The following TRAM1 variants were observed in gnomAD, a reference collection of about 807,000 sequenced individuals.
TRAM1 encodes translocating chain-associated membrane protein 1.
Under a neutral mutation model 48.7 loss-of-function variants are expected in TRAM1, and 17 were observed. The observed-to-expected ratio is 0.35, with a 90% CI of 0.24 to 0.52. The LOEUF (loss-of-function observed/expected upper bound fraction) is 0.52. Ranked by LOEUF, TRAM1 falls within the 20% of genes least tolerant of loss-of-function variation. TRAM1 has a pLI of 0.94. For missense variants in TRAM1, 351 were observed against 441.5 expected (o/e 0.79, Z 1.84); for synonymous variants, 182 against 154.0 (o/e 1.18, Z -1.34).
intron 8 of TRAM1, among the ~76,000 whole-genome samples, chr8:70,585,965 C>T (rs1199618400): frequency 6.6e-6 from 1 of 150,498 alleles, no homozygotes; most frequent in Non-Finnish European, 1.5e-5. Context: ...TATAAAGACA[C>T]ATGCACACGT....
In TRAM1 at chr8:70,583,516, G is replaced by A. The variant is rs879705635; in HGVS notation, c.890+134C>T. 53 of 1,333,786 alleles carry A rather than the reference G, an allele frequency of 4.0e-5. No individual in the cohort carries two copies. In the African/African-American group the frequency reaches 4.3e-4, roughly 11 times the overall value. 82.6% of individuals were successfully genotyped at this position (1,333,786 alleles called of 1,614,324 possible). A position where few individuals can be genotyped will look rare whatever the true frequency, so the allele number is the denominator to read the frequency against. ...CACTTTAGACATGTAAAATAGCAAC[G>A]GGTATGAAATAAAATCAAATGAGTA... On this transcript the variant is annotated intron_variant, in intron 9 of 10. Transcript: ENST00000262213.
intron 1 of TRAM1, chr8:70,606,971 T>C: frequency 1.0e-6 from 1 of 970,414 alleles, no homozygotes; most frequent in Non-Finnish European, 1.2e-6. Flanking sequence ...CCAGGCACTA[T>C]CCTAGACTCT....
intron 1 of TRAM1, 50 bp downstream of exon 1, chr8:70,608,027 C>T: frequency 6.5e-7 from 1 of 1,528,842 alleles, no homozygotes. Flanking sequence ...GGAGCCCGGG[C>T]CCGGGCTGGA....
intron 5 of TRAM1, among the ~76,000 whole-genome samples, chr8:70,594,868 T>TA (rs758272795): frequency 8.5e-5 from 13 of 152,158 alleles, no homozygotes; most frequent in Non-Finnish European, 1.5e-4. Flanking sequence ...TCAGAGCCCC[T>TA]ATTAGTTCAT....
At chr8:70,580,011 G>A (rs1817041945) in intron 10 of TRAM1, among the ~76,000 whole-genome samples, 1 of 152,074 alleles carries the variant, frequency 6.6e-6, no homozygotes, top group African/African-American at 2.4e-5. Context: ...TTTTTAAAAA[G>A]AGCATGTACA....
At chr8:70,591,044 G>A (rs1393894825) in intron 6 of TRAM1, among the ~76,000 whole-genome samples, 1 of 151,920 alleles carries the variant, frequency 6.6e-6, no homozygotes, top group Middle Eastern at 3.2e-3. Flanking sequence ...ACCACAAGGG[G>A]TGGTAGGAAT....
intron 10 of TRAM1, 142 bp from the exon 11 acceptor site, chr8:70,575,147 C>T (rs1365923957): frequency 5.5e-6 from 3 of 550,448 alleles, no homozygotes; most frequent in Admixed American, 3.8e-5. Flanking sequence ...TTTAACCAAT[C>T]ACAAAACCTG....
intron 10 of TRAM1, among the ~76,000 whole-genome samples, chr8:70,582,703 A>G (rs1303271521): frequency 6.6e-6 from 1 of 152,126 alleles, no homozygotes; most frequent in Non-Finnish European, 1.5e-5. Context: ...CAAAAACCAT[A>G]AGGAAAAAAG....
rs778245100 is a variant in TRAM1 at position 70,594,456 on chromosome 8, A to C, written c.570+50T>G. 9.9e-6 allele frequency: 9 copies of C among 909,032 alleles called. No individual in the cohort carries two copies. The South Asian group carries it at 1.6e-4, about 16-fold the overall frequency. 56.3% of individuals were successfully genotyped at this position (909,032 alleles called of 1,614,324 possible). A position where few individuals can be genotyped will look rare whatever the true frequency, so the allele number is the denominator to read the frequency against. ...ATACTTAATTTTAGAAAAATTTTTC[A>C]AAAAAAAAAATGACAAGACATTTTT... On this transcript the variant is annotated intron_variant, in intron 6 of 10. Coordinates refer to ENST00000262213, the MANE Select transcript of TRAM1 (RefSeq NM_014294.6).
Position 70,598,031 on chromosome 8 carries a change from T to C in TRAM1, c.310-20A>G. 1 of 1,545,792 alleles carries C rather than the reference T, an allele frequency of 6.5e-7. No homozygotes were observed. ...AATTTTCTAAAAATAAAAACAGCCATTAGTAATTAAGAATAAATTATAAAT... is the reference window on the plus strand; with the variant it reads ...AATTTTCTAAAAATAAAAACAGCCACTAGTAATTAAGAATAAATTATAAAT... On this transcript the variant is annotated intron_variant, in intron 3 of 10. Transcript: ENST00000262213.
chr8:70,581,868 A>G lies in TRAM1; in HGVS notation c.1051+1296T>C, dbSNP rs190388311. On this transcript the variant is annotated intron_variant, in intron 10 of 10. Transcript: ENST00000262213. The stretch of plus-strand genomic sequence containing the variant: ...AAGCATTATCCATTTGCAAAACCAC[A>G]TATCACATGGTTCTGTTTACATGAA... 1.4e-3 allele frequency among the ~76,000 whole-genome samples: 208 copies of G among 152,338 alleles called. 1 individual carries two copies. The highest frequency in any genetic ancestry group is 4.8e-3 in the African/African-American group (200 of 41,594).
Position 70,598,007 on chromosome 8 carries a change from A to C in TRAM1, c.314T>G (p.Ile105Ser). 1 of 1,580,886 alleles carries C rather than the reference A, an allele frequency of 6.3e-7. No homozygotes were observed. The highest frequency in any genetic ancestry group is 8.6e-7 in the Non-Finnish European group (1 of 1,162,822). The change falls in exon 4 of 11, where the codon ATT becomes AGT. Residue 105 changes from isoleucine (I) to serine (S), a missense_variant. Ile to Ser is a moderately radical substitution (Grantham distance 142, BLOSUM62 -2). Coordinates refer to ENST00000262213, the MANE Select transcript of TRAM1 (RefSeq NM_014294.6). The part of the protein sequence containing the change: ...AVIQEYMLDK[I>S]NRRMHFSKTK... ...TTTGGAGAAGTGCATTCGCCTGTTA[A>C]TTTTCTAAAAATAAAAACAGCCATT...
At position 70,608,328 on chromosome 8, in the gene TRAM1, A is replaced by T. The variant is rs1408732791; in HGVS notation, c.-129T>A. 8.0e-7 allele frequency: 1 copy of T among 1,250,676 alleles called. No homozygotes were observed. The highest frequency in any genetic ancestry group is 1.6e-5 in the African/African-American group (1 of 62,378). The allele number at this position is 1,250,676 out of a possible 1,614,324, so 77.5% of individuals were successfully genotyped here. A position where few individuals can be genotyped will look rare whatever the true frequency, so the allele number is the denominator to read the frequency against. On this transcript the variant is annotated 5_prime_UTR_variant, in exon 1 of 11. Coordinates refer to ENST00000262213, the MANE Select transcript of TRAM1 (RefSeq NM_014294.6). The stretch of plus-strand genomic sequence containing the variant: ...CGCTGCAGCCGCTCGCTGGGGCTTC[A>T]CTTCCCATCCCACAGCCAGTACGCA...
chr8:70,574,444 A>G lies in TRAM1; in HGVS notation c.*488T>C, dbSNP rs1272883625. The G allele has an allele frequency of 9.2e-6, 2 of 216,808 alleles. No homozygotes were observed. The highest frequency in any genetic ancestry group is 1.9e-5 in the Non-Finnish European group (2 of 107,806). The allele number at this position is 216,808 out of a possible 1,614,324, so 13.4% of individuals were successfully genotyped here. A position where few individuals can be genotyped will look rare whatever the true frequency, so the allele number is the denominator to read the frequency against. On this transcript the variant is annotated 3_prime_UTR_variant, in exon 11 of 11. Coordinates refer to ENST00000262213, the MANE Select transcript of TRAM1 (RefSeq NM_014294.6). ...TTACAAATCTTTTTTTCCAGGTGTAAAGTCTACAAAAATTCCAAAAAATTA... is the reference window on the plus strand; with the variant it reads ...TTACAAATCTTTTTTTCCAGGTGTAGAGTCTACAAAAATTCCAAAAAATTA...
chr8:70,585,844 C>A (rs1195710208), intron 8 of TRAM1, among the ~76,000 whole-genome samples: 1 of 135,074 alleles, frequency 7.4e-6, no homozygotes, highest in Non-Finnish European at 1.6e-5. Context: ...ACTAGTTCAA[C>A]CATTGTGGAA....
intron 5 of TRAM1, among the ~76,000 whole-genome samples, chr8:70,595,714 A>C (rs1817472367): frequency 6.6e-6 from 1 of 152,202 alleles, no homozygotes; most frequent in Non-Finnish European, 1.5e-5. Context: ...GGGATACAAA[A>C]GACCAATACA....
At chr8:70,587,985 G>A (rs1169685886) in intron 6 of TRAM1, among the ~76,000 whole-genome samples, 1 of 152,134 alleles carries the variant, frequency 6.6e-6, no homozygotes, top group Admixed American at 6.5e-5. Flanking sequence ...GGGAGGCCGA[G>A]GTGGGAGGAT....
intron 5 of TRAM1, among the ~76,000 whole-genome samples, chr8:70,595,213 T>C (rs1441119392): frequency 2.0e-5 from 3 of 151,998 alleles, no homozygotes; most frequent in Non-Finnish European, 4.4e-5. Context: ...CTTGACATTA[T>C]ATCCCTCTAG....
At chr8:70,585,625 A>G (rs1586754855) in intron 8 of TRAM1, among the ~76,000 whole-genome samples, 1 of 137,400 alleles carries the variant, frequency 7.3e-6, no homozygotes, top group African/African-American at 2.6e-5. Context: ...ATGAACAGAC[A>G]CTTCTCAAAA....
Sources: allele counts gnomAD v4.1 joint callset (sites outside exome capture counted in the v4.1 genomes callset), GRCh38; gene constraint gnomAD v4.1.1; transcripts MANE v1.5; gene names NCBI Gene and HGNC (gene_info 2026-07-23, HGNC 2026-07-21).